TCF4: variants seen among roughly 807,000 people sequenced by gnomAD.
TCF4 encodes transcription factor 4, also known as SL3-3 enhancer factor 2.
TCF4 carries 3 observed loss-of-function variants against 82.1 expected under a neutral mutation model. The observed-to-expected ratio is 0.04, with a 90% CI of 0.02 to 0.09. The LOEUF (loss-of-function observed/expected upper bound fraction) is 0.09. Ranked by LOEUF, TCF4 falls within the 10% of genes least tolerant of loss-of-function variation. The probability of loss-of-function intolerance (pLI) is 1.00; values close to 1 mark genes in which losing one functional copy is unlikely to be tolerated. For synonymous variants in TCF4, 276 were observed against 309.6 expected (o/e 0.89, Z 1.14); for missense variants, 518 against 852.7 (o/e 0.61, Z 4.89).
At chr18:55,347,341 TA>T (rs891048870) in intron 8 of TCF4, among the ~76,000 whole-genome samples, 5 of 149,878 alleles carry the variant, frequency 3.3e-5, no homozygotes, top group Admixed American at 6.6e-5. Flanking sequence ...GGCTTTCCTT[TA>T]AAAAAAAAAT....
intron 3 of TCF4, among the ~76,000 whole-genome samples, chr18:55,552,624 T>C (rs1197983320): frequency 1.3e-5 from 2 of 152,240 alleles, no homozygotes; most frequent in Non-Finnish European, 2.9e-5. Flanking sequence ...AGAAATGAAA[T>C]GTAACTGTAC....
Position 55,587,337 on chromosome 18 carries a change from C to CAAAAAAAAAAAAAAAAA in TCF4, c.-20-218_-20-202dup, listed in dbSNP as rs1159348981. ...TTTAAGATGGAATAGGCAGCAATAG[C>CAAAAAAAAAAAAAAAAA]AAAAAAAAAAAAAAAAAAAAAAAAA... is the stretch of plus-strand genomic sequence containing the variant. On this transcript the variant is annotated intron_variant, in intron 1 of 19. Transcript: ENST00000354452. 2.8e-4 allele frequency: 2 copies of CAAAAAAAAAAAAAAAAA among 7,104 alleles called. 1 individual carries two copies. The highest frequency in any genetic ancestry group is 5.1e-4 in the Non-Finnish European group (2 of 3,920). 0.4% of individuals were successfully genotyped at this position (7,104 alleles called of 1,614,324 possible).
At chr18:55,539,979 T>C (rs556636456) in intron 3 of TCF4, among the ~76,000 whole-genome samples, 1 of 152,138 alleles carries the variant, frequency 6.6e-6, no homozygotes, top group Admixed American at 6.6e-5. Flanking sequence ...ATGCTCAATA[T>C]ACGTTATTGA....
chr18:55,333,299 T>C (rs2077957259), intron 8 of TCF4, among the ~76,000 whole-genome samples: 3 of 152,170 alleles, frequency 2.0e-5, no homozygotes, highest in South Asian at 2.1e-4. Flanking sequence ...TCTGTAAAGA[T>C]GCAAATATCA....
intron 2 of TCF4, among the ~76,000 whole-genome samples, chr18:55,625,211 T>G (rs2097725335): frequency 6.6e-6 from 1 of 152,136 alleles, no homozygotes; most frequent in African/African-American, 2.4e-5. Flanking sequence ...TAATCTTTAT[T>G]AATGTTATTG....
At chr18:55,592,968 T>C (rs1033509671), upstream of TCF4, among the ~76,000 whole-genome samples, 3 of 152,218 alleles carry the variant, frequency 2.0e-5, no homozygotes, top group African/African-American at 7.2e-5. Flanking sequence ...CCTGCAATGT[T>C]CCCCTTCCCC....
At chr18:55,389,853 GGCA>G (rs1441008890) in intron 6 of TCF4, among the ~76,000 whole-genome samples, 1 of 151,966 alleles carries the variant, frequency 6.6e-6, no homozygotes, top group Non-Finnish European at 1.5e-5. Flanking sequence ...GGGTCTAGGA[GGCA>G]GCAGCAGATT....
rs1057448502 is a variant in TCF4 at position 55,227,525 on chromosome 18, T to C, written c.*510A>G. On this transcript the variant is annotated 3_prime_UTR_variant, in exon 20 of 20. Coordinates refer to ENST00000354452, the MANE Select transcript of TCF4 (RefSeq NM_001083962.2). ...GTTACTAGGGCAGCCGAGCTTCCCC[T>C]AATTCAATATCCAGTAATTATAAAC... is the stretch of plus-strand genomic sequence containing the variant. 6.6e-6 allele frequency: 1 copy of C among 152,400 alleles called. No homozygotes were observed. Among genetic ancestry groups the C allele is most frequent in the Non-Finnish European group, 1.5e-5 (1 of 68,010 alleles). The allele number at this position is 152,400 out of a possible 1,614,324, so 9.4% of individuals were successfully genotyped here.
rs960368146 is a variant in TCF4, at chr18:55,633,617, TAAAG to T, written c.195+2082_195+2085del. ...ACCTGGGGAGATACTATAGCATGAG[TAAAG>T]AAAGAGAGGCTAGAGCAGGGGTGGG... On this transcript the variant is annotated intron_variant, in intron 1 of 20. Transcript: ENST00000398339. The surrounding 1 kb of genome is among the most constrained non-coding windows in gnomAD (Gnocchi z 4.0). Among the ~76,000 whole-genome samples the T allele has an allele frequency of 3.3e-5, 5 of 151,996 alleles. No individual in the cohort carries two copies. The highest frequency in any genetic ancestry group is 1.2e-4 in the African/African-American group (5 of 41,380).
chr18:55,621,443 T>C (rs1286675517), intron 2 of TCF4, among the ~76,000 whole-genome samples: 1 of 115,970 alleles, frequency 8.6e-6, no homozygotes, highest in Non-Finnish European at 1.7e-5. Context: ...TAAAAATATA[T>C]ATATAATATA....
At chr18:55,351,037 G>A in intron 6 of TCF4, 34 bp from the exon 7 acceptor site, 4 of 1,612,160 alleles carry the variant, frequency 2.5e-6, no homozygotes, top group Non-Finnish European at 3.4e-6. Context: ...AAACATATAA[G>A]GTTAATTTTT....
chr18:55,282,933 T>C (rs182012731), intron 8 of TCF4, among the ~76,000 whole-genome samples: 3 of 152,060 alleles, frequency 2.0e-5, no homozygotes, highest in East Asian at 1.9e-4. Flanking sequence ...TGTTGCCGAA[T>C]TGGAAATGGA....
chr18:55,395,226 C>T (rs964884794), intron 6 of TCF4, among the ~76,000 whole-genome samples: 3 of 152,250 alleles, frequency 2.0e-5, no homozygotes, highest in South Asian at 2.1e-4. Flanking sequence ...TATGTAGATA[C>T]GTTTCAACAT....
At chr18:55,275,892 GTCA>G in intron 9 of TCF4, 140 bp from the exon 10 acceptor site, 1 of 1,075,984 alleles carries the variant, frequency 9.3e-7, no homozygotes, top group East Asian at 2.4e-5. Flanking sequence ...TCAGAAGACA[GTCA>G]TCATTTCTTC....
chr18:55,529,020 A>G (rs908267871), intron 3 of TCF4, among the ~76,000 whole-genome samples: 1 of 152,096 alleles, frequency 6.6e-6, no homozygotes, highest in African/African-American at 2.4e-5. Flanking sequence ...TCCACTAAAT[A>G]TACAAAAATT....
intron 8 of TCF4, among the ~76,000 whole-genome samples, chr18:55,320,656 C>T (rs2075269866): frequency 6.6e-6 from 1 of 152,194 alleles, no homozygotes; most frequent in Non-Finnish European, 1.5e-5. Context: ...TGATCTGTCC[C>T]CTTTGGCCCA....
At chr18:55,251,379 C>G (rs1232864047) in intron 15 of TCF4, among the ~76,000 whole-genome samples, 1 of 152,028 alleles carries the variant, frequency 6.6e-6, no homozygotes. Context: ...AGACCTACTT[C>G]AGAACTCCAA....
At chr18:55,427,528 T>C (rs2095039088) in intron 5 of TCF4, among the ~76,000 whole-genome samples, 1 of 152,166 alleles carries the variant, frequency 6.6e-6, no homozygotes, top group Non-Finnish European at 1.5e-5. Context: ...ATCATCCCTG[T>C]TTCCAATGAA....
chr18:55,567,848 G>C (rs572764521), intron 3 of TCF4, among the ~76,000 whole-genome samples: 92 of 152,236 alleles, frequency 6.0e-4, no homozygotes, highest in Middle Eastern at 3.4e-3. Flanking sequence ...AACAAAGCAA[G>C]CCTCAACAAA....
Sources: gnomAD v4.1 joint callset for allele counts (sites outside exome capture counted in the v4.1 genomes callset) on GRCh38, gnomAD v4.1.1 for gene constraint, Gnocchi (gnomAD v3.1) non-coding constraint, MANE v1.5 for transcripts, NCBI Gene and HGNC (gene_info 2026-07-23, HGNC 2026-07-21) for gene names.